The following DDHD1 variants were observed in gnomAD, a reference collection of about 807,000 sequenced individuals.
DDHD1 encodes DDHD domain containing 1.
DDHD1 carries 49 observed loss-of-function variants against 96.4 expected under a neutral mutation model. The ratio of observed to expected loss-of-function variants is 0.51; its 90% confidence interval spans 0.40 to 0.64. The LOEUF is 0.64. DDHD1 is among the 30% of genes least tolerant of loss of function. The pLI, the probability that DDHD1 is intolerant of heterozygous loss-of-function variation, is 0.00. For missense variants in DDHD1, 1,106 were observed against 1,161.2 expected, an observed-to-expected ratio of 0.95 and a Z score of 0.69; for synonymous variants, 442 against 446.5, an observed-to-expected ratio of 0.99 and a Z score of 0.13.
In DDHD1 at chr14:53,094,513, C is replaced by A. The variant is rs987621234; in HGVS notation, c.1013-1069G>T. 7.2e-5 allele frequency among the ~76,000 whole-genome samples: 11 copies of A among 151,756 alleles called. No individual in the cohort carries two copies. The East Asian group carries it at 1.6e-3, about 21-fold the overall frequency. On this transcript the variant is annotated intron_variant, in intron 2 of 12. Transcript: ENST00000673822. ...CCCAGGAGTTTGATAGCAGCCTGGGCAACAATAATGAGACCCCGTCTCTTA... is the reference window on the plus strand; with the variant it reads ...CCCAGGAGTTTGATAGCAGCCTGGGAAACAATAATGAGACCCCGTCTCTTA...
chr14:53,040,786 G>A lies in DDHD1; in HGVS notation c.*5982C>T, dbSNP rs1186554856. ...GGAAAAGAAAAAGCCTGCCTTCAAA[G>A]AGTTGTGATTGCAGTCATTGACAAC... On this transcript the variant is annotated 3_prime_UTR_variant, in exon 13 of 13. Coordinates refer to ENST00000673822, the MANE Select transcript of DDHD1 (RefSeq NM_001160148.2). 1 of 152,128 alleles carries A rather than the reference G, an allele frequency of 6.6e-6. No individual in the cohort carries two copies. 9.4% of individuals were successfully genotyped at this position (152,128 alleles called of 1,614,324 possible).
rs146006539 is a variant in DDHD1, at chr14:53,152,366, C to T, written c.733G>A (p.Glu245Lys). ...TTCACAAGCTCCACCATCTCCGGCT[C>T]GTGCCCCGTCGTACTCTGGCAGAAG... The part of the protein sequence containing the change: ...CGFCQSTTGH[E>K]PEMVELVNIE... Residue 245 changes from glutamate to lysine, a missense_variant, in exon 1 of 13, where the codon GAG becomes AAG. Physicochemically the swap from Glu to Lys is moderately conservative, Grantham distance 56. Transcript: ENST00000673822. 310 of 1,613,818 alleles carry T rather than the reference C, an allele frequency of 1.9e-4. 3 individuals carry two copies. In the African/African-American group the frequency reaches 3.9e-3, roughly 20 times the overall value.
intron 4 of DDHD1, among the ~76,000 whole-genome samples, chr14:53,088,204 G>C (rs1278009866): frequency 1.3e-5 from 2 of 152,150 alleles, no homozygotes; most frequent in Admixed American, 1.3e-4. Flanking sequence ...AAAAGTCCAG[G>C]ACCAGAGAGA....
In DDHD1 at chr14:53,152,951, C is replaced by T. The variant is rs775721432; in HGVS notation, c.148G>A (p.Asp50Asn). The change falls in exon 1 of 13, where the codon GAC becomes AAC. Residue 50 changes from aspartate (D) to asparagine (N), a missense_variant. By Grantham distance (23) the Asp-to-Asn change is conservative (BLOSUM62 1). Coordinates refer to ENST00000673822, the MANE Select transcript of DDHD1 (RefSeq NM_001160148.2). Reference sequence around the variant, plus strand: ...AGGGCCAGGGGCACGTCGCCGTCGTCCGGGTCCCCGCCGGGCAGGTGCTCG... The same window carrying T: ...AGGGCCAGGGGCACGTCGCCGTCGTTCGGGTCCCCGCCGGGCAGGTGCTCG... ...CFEHLPGGDP[D>N]DGDVPLALLR... 2.5e-6 allele frequency: 4 copies of T among 1,592,206 alleles called. No homozygotes were observed. The highest frequency in any genetic ancestry group is 2.3e-5 in the East Asian group (1 of 43,306).
intron 1 of DDHD1, among the ~76,000 whole-genome samples, chr14:53,117,080 C>T (rs1409797069): frequency 6.6e-6 from 1 of 152,124 alleles, no homozygotes; most frequent in African/African-American, 2.4e-5. Flanking sequence ...AAAGGGATAT[C>T]ACCACTAATC....
rs769604234 is a variant in DDHD1 at position 53,091,895 on chromosome 14, T to C, written c.1179A>G (p.Val393=). 2 of 1,613,334 alleles carry C rather than the reference T, an allele frequency of 1.2e-6. No individual in the cohort carries two copies. The highest frequency in any genetic ancestry group is 3.3e-5 in the Admixed American group (2 of 60,020). Residue 393 remains valine, a synonymous_variant, in exon 4 of 13, where the codon GTA becomes GTG. Transcript: ENST00000673822. ...GCTTGTCTTCTAATGTGGCTTCTTC[T>C]ACATAACCTCTATGAAGTCTGGTAC... ...SSGTRLHRGY[V]EEATLEDKPS... is the part of the protein sequence containing the mutation.
chr14:53,152,238 C>T (rs762037518), intron 1 of DDHD1, 23 bp downstream of exon 1: 4 of 1,579,080 alleles, frequency 2.5e-6, no homozygotes, highest in Non-Finnish European at 2.6e-6. Context: ...CCCGTCCTGC[C>T]CTAACCCCGG....
chr14:53,116,860 A>T (rs1888580762), intron 1 of DDHD1, among the ~76,000 whole-genome samples: 1 of 152,212 alleles, frequency 6.6e-6, no homozygotes, highest in African/African-American at 2.4e-5. Context: ...AGAAGCAAGA[A>T]ATAGAGCAGA....
At chr14:53,078,712 T>C (rs1483067698) in intron 4 of DDHD1, among the ~76,000 whole-genome samples, 1 of 152,210 alleles carries the variant, frequency 6.6e-6, no homozygotes, top group Non-Finnish European at 1.5e-5. Flanking sequence ...TCTTGCTTAA[T>C]TGCTCTGGCT....
At chr14:53,054,975 T>A (rs923967607) in intron 10 of DDHD1, among the ~76,000 whole-genome samples, 1 of 152,226 alleles carries the variant, frequency 6.6e-6, no homozygotes, top group Non-Finnish European at 1.5e-5. Flanking sequence ...TTACTATTGA[T>A]ATACTTACTA....
intron 8 of DDHD1, among the ~76,000 whole-genome samples, chr14:53,059,237 T>G (rs73294013): frequency 0.031 from 4,778 of 152,106 alleles, 247 homozygotes; most frequent in African/African-American, 0.11. Context: ...TTGGTTTATT[T>G]TATTTCATTT....
chr14:53,061,241 T>A (rs776403138), intron 7 of DDHD1, 40 bp from the exon 8 acceptor site: 1 of 1,536,410 alleles, frequency 6.5e-7, no homozygotes, highest in South Asian at 1.2e-5. Flanking sequence ...CACGTATTTA[T>A]AATTTCATAA....
At chr14:53,107,150 A>C (rs1463250438) in intron 1 of DDHD1, among the ~76,000 whole-genome samples, 1 of 152,162 alleles carries the variant, frequency 6.6e-6, no homozygotes, top group Non-Finnish European at 1.5e-5. Flanking sequence ...TGAACCTTAT[A>C]ATGTTTTTGC....
At position 53,072,683 on chromosome 14, in the gene DDHD1, G is replaced by C. The variant is rs756160854; in HGVS notation, c.1417C>G (p.Pro473Ala). The change falls in exon 6 of 13, where the codon CCT becomes GCT. Residue 473 changes from proline (P) to alanine (A), a missense_variant. Pro to Ala is a conservative substitution (Grantham distance 27). Coordinates refer to ENST00000673822, the MANE Select transcript of DDHD1 (RefSeq NM_001160148.2). ...TCCCTTAAACCTCGTACTTTGTCAG[G>C]AGTAATGGAATCAACAGTGTCTACA... ...LDGDTVDSIT[P>A]DKVRGLRDML... 6.2e-7 allele frequency: 1 copy of C among 1,608,976 alleles called. No individual in the cohort carries two copies. The highest frequency in any genetic ancestry group is 1.1e-5 in the South Asian group (1 of 90,482).
chr14:53,092,232 T>C (rs1292784025), intron 3 of DDHD1: 1 of 201,452 alleles, frequency 5.0e-6, no homozygotes, highest in Non-Finnish European at 9.9e-6. Flanking sequence ...AAAAAAGAAA[T>C]GGCAAACTGG....
chr14:53,043,519 C>T lies in DDHD1; in HGVS notation c.*3249G>A, dbSNP rs1382830474. On this transcript the variant is annotated 3_prime_UTR_variant, in exon 13 of 13. Transcript: ENST00000673822. ...TTGGCTCACTGAAGCCTTGACCTCC[C>T]GGAATCATGCAGTCCTACCGACCTC... The T allele has an allele frequency of 6.6e-6, 1 of 152,016 alleles. No individual in the cohort carries two copies. The highest frequency in any genetic ancestry group is 2.4e-5 in the African/African-American group (1 of 41,372). The allele number at this position is 152,016 out of a possible 1,614,324, so 9.4% of individuals were successfully genotyped here.
In DDHD1 at chr14:53,058,382, T is replaced by C. The variant is rs1883249925; in HGVS notation, c.1992+95A>G. The stretch of plus-strand genomic sequence containing the variant: ...CGCCCGCCTCAGCCTCCCAAAGTGC[T>C]GGGATTACAAGCGTGAGCCACTGTG... On this transcript the variant is annotated intron_variant, in intron 9 of 12. Coordinates refer to ENST00000673822, the MANE Select transcript of DDHD1 (RefSeq NM_001160148.2). 4 of 1,400,180 alleles carry C rather than the reference T, an allele frequency of 2.9e-6. No individual in the cohort carries two copies. The South Asian group carries it at 4.5e-5, about 16-fold the overall frequency. The allele number at this position is 1,400,180 out of a possible 1,614,324, so 86.7% of individuals were successfully genotyped here. A position where few individuals can be genotyped will look rare whatever the true frequency, so the allele number is the denominator to read the frequency against.
chr14:53,079,123 ATT>A (rs1885220866), intron 4 of DDHD1, among the ~76,000 whole-genome samples: 1 of 152,042 alleles, frequency 6.6e-6, no homozygotes, highest in South Asian at 2.1e-4. Context: ...TTTCATTGAC[ATT>A]TCTGTGGTCT....
intron 2 of DDHD1, among the ~76,000 whole-genome samples, chr14:53,097,009 G>A (rs905285276): frequency 7.2e-5 from 11 of 151,862 alleles, no homozygotes; most frequent in African/African-American, 1.9e-4. Context: ...TCAAATTTTG[G>A]TAGTTATATA....
Sources: allele counts gnomAD v4.1 joint callset (sites outside exome capture counted in the v4.1 genomes callset), GRCh38; gene constraint gnomAD v4.1.1; transcripts MANE v1.5; gene names NCBI Gene and HGNC (gene_info 2026-07-23, HGNC 2026-07-21).